The following LNX1 variants were observed in gnomAD, a reference collection of about 807,000 sequenced individuals.
LNX1 encodes ligand of numb-protein X 1.
A neutral mutation model predicts 68.4 loss-of-function variants in LNX1; 54 were observed. The ratio of observed to expected loss-of-function variants is 0.79; its 90% CI spans 0.63 to 0.99. LNX1 has a LOEUF of 0.99. Among genes scored for constraint, LNX1 ranks in the 50% least tolerant of loss-of-function variants. LNX1 has a pLI of 0.00. For missense variants in LNX1, 906 were observed against 926.4 expected (o/e 0.98, Z 0.29); for synonymous variants, 336 against 350.0 (o/e 0.96, Z 0.45).
chr4:53,475,318 T>C (rs1013871721), intron 9 of LNX1, among the ~76,000 whole-genome samples: 6 of 151,256 alleles, frequency 4.0e-5, no homozygotes, highest in Non-Finnish European at 7.4e-5. Flanking sequence ...AGTCATACTC[T>C]CTACTTTCAC....
At position 53,496,414 on chromosome 4, in the gene LNX1, T is replaced by C; in HGVS notation, c.979-20A>G. ...GTTGACCTGGGGGCAGGTGGAACAA[T>C]CGTGCGGTCAGCTCCACCTGCCACA... On this transcript the variant is annotated intron_variant, in intron 5 of 10. Transcript: ENST00000263925. The C allele has an allele frequency of 6.4e-7, 1 of 1,563,168 alleles. No individual in the cohort carries two copies. Among genetic ancestry groups the C allele is most frequent in the Non-Finnish European group, 8.7e-7 (1 of 1,155,772 alleles).
chr4:53,581,275 T>G (rs761360674), intron 1 of LNX1, among the ~76,000 whole-genome samples: 3 of 152,174 alleles, frequency 2.0e-5, no homozygotes, highest in African/African-American at 7.2e-5. Context: ...TTAAGGAAGT[T>G]GAAAAATGTG....
chr4:53,493,104 G>GA (rs1724819745), intron 6 of LNX1, among the ~76,000 whole-genome samples: 1 of 152,134 alleles, frequency 6.6e-6, no homozygotes, highest in South Asian at 2.1e-4. Flanking sequence ...CAAGTAGCTG[G>GA]AATTACAGGT....
At chr4:53,465,095 A>ATGT (rs1722572552) in intron 9 of LNX1, among the ~76,000 whole-genome samples, 1 of 152,140 alleles carries the variant, frequency 6.6e-6, no homozygotes, top group Admixed American at 6.5e-5. Flanking sequence ...TTGCCCTTTG[A>ATGT]TGTTATTGGC....
intron 4 of LNX1, among the ~76,000 whole-genome samples, chr4:53,506,438 AAGACTCAATAGCT>A (rs1725875548): frequency 6.6e-6 from 1 of 152,196 alleles, no homozygotes; most frequent in Admixed American, 6.5e-5. Context: ...TATGGGATCT[AAGACTCAATAGCT>A]TCCTTTGCAT....
chr4:53,636,256 C>CTCGG (rs1734472126), intron 1 of LNX1, among the ~76,000 whole-genome samples: 1 of 143,370 alleles, frequency 7.0e-6, no homozygotes. Flanking sequence ...GCATGCTTGC[C>CTCGG]TCGGTCGAGC....
chr4:53,594,307 C>T (rs542156489), upstream of LNX1, among the ~76,000 whole-genome samples: 4 of 152,156 alleles, frequency 2.6e-5, no homozygotes, highest in African/African-American at 9.6e-5. Flanking sequence ...TTGAGGGACC[C>T]CTCAAGAATG....
intron 2 of LNX1, among the ~76,000 whole-genome samples, chr4:53,513,952 T>C (rs1211079581): frequency 6.6e-6 from 1 of 152,226 alleles, no homozygotes; most frequent in African/African-American, 2.4e-5. Flanking sequence ...ACAGCCCTCC[T>C]GCTAGTCCTC....
At chr4:53,524,018 G>C (rs1280283045) in intron 2 of LNX1, among the ~76,000 whole-genome samples, 2 of 152,310 alleles carry the variant, frequency 1.3e-5, no homozygotes, top group African/African-American at 4.8e-5. Context: ...CCATCAATTT[G>C]ATGACATAAA....
intron 9 of LNX1, among the ~76,000 whole-genome samples, chr4:53,466,453 G>A (rs2150560677): frequency 6.6e-6 from 1 of 152,342 alleles, no homozygotes; most frequent in Admixed American, 6.5e-5. Flanking sequence ...TTCCAACTGA[G>A]ATACTGGGTT....
At chr4:53,481,179 G>A (rs1723888391) in intron 7 of LNX1, among the ~76,000 whole-genome samples, 1 of 152,180 alleles carries the variant, frequency 6.6e-6, no homozygotes. Context: ...GTGTTTTAGA[G>A]TTTTCTGGAT....
At chr4:53,532,437 T>A (rs1728084626) in intron 2 of LNX1, among the ~76,000 whole-genome samples, 1 of 151,994 alleles carries the variant, frequency 6.6e-6, no homozygotes, top group Admixed American at 6.6e-5. Context: ...ATAGACTCCA[T>A]CTCAAATAAA....
At chr4:53,570,798 C>T (rs1266175291) in intron 2 of LNX1, among the ~76,000 whole-genome samples, 2 of 151,000 alleles carry the variant, frequency 1.3e-5, no homozygotes, top group Non-Finnish European at 3.0e-5. Flanking sequence ...GAGGCTGAGG[C>T]GGGCGGATCA....
In LNX1 at chr4:53,576,044, A is replaced by C. The variant is rs543777516; in HGVS notation, c.-86-1956T>G. On this transcript the variant is annotated intron_variant, in intron 1 of 10. Coordinates refer to ENST00000263925, the MANE Select transcript of LNX1 (RefSeq NM_001126328.3). ...AGCCTGAAGCCCAACACCTTCAGGGACCAGCTCCAGGAACTCTGCATCCCC... is the reference window on the plus strand; with the variant it reads ...AGCCTGAAGCCCAACACCTTCAGGGCCCAGCTCCAGGAACTCTGCATCCCC... The C allele has an allele frequency of 9.9e-4, 1,547 of 1,565,366 alleles. 20 individuals carry two copies. In the South Asian group the frequency reaches 0.013, roughly 13 times the overall value.
At chr4:53,587,682 T>A (rs1052230378) in intron 1 of LNX1, among the ~76,000 whole-genome samples, 3 of 151,972 alleles carry the variant, frequency 2.0e-5, no homozygotes, top group Non-Finnish European at 2.9e-5. Context: ...GTAGTCAAGA[T>A]CCCACCAGAC....
chr4:53,611,788 C>T (rs768936087), intron 2 of LNX1, among the ~76,000 whole-genome samples: 20 of 152,124 alleles, frequency 1.3e-4, no homozygotes, highest in Non-Finnish European at 2.1e-4. Flanking sequence ...AACCAAAGCT[C>T]TTACCAAGAA....
At position 53,508,099 on chromosome 4, in the gene LNX1, A is replaced by T. The variant is rs1031771569; in HGVS notation, c.509T>A (p.Ile170Asn). Residue 170 changes from isoleucine (I) to asparagine (N), a missense_variant, in exon 3 of 11, where the codon ATC becomes AAC. By Grantham distance (149) the Ile-to-Asn change is moderately radical. Coordinates refer to ENST00000263925, the MANE Select transcript of LNX1 (RefSeq NM_001126328.3). Reference sequence around the variant, plus strand: ...GCCAGGCTCGTCTGTCATTAAGGAGATGGTGGCAGCTGCAGAAACCTCTGG... The same window carrying T: ...GCCAGGCTCGTCTGTCATTAAGGAGTTGGTGGCAGCTGCAGAAACCTCTGG... ...PSPEVSAAAT[I>N]SLMTDEPGLD... 6.2e-7 allele frequency: 1 copy of T among 1,613,960 alleles called. No homozygotes were observed. Among genetic ancestry groups the T allele is most frequent in the African/African-American group, 1.3e-5 (1 of 74,970 alleles).
At chr4:53,549,650 T>C (rs1264038522) in intron 2 of LNX1, 2 of 152,054 alleles carry the variant, frequency 1.3e-5, no homozygotes, top group Non-Finnish European at 2.9e-5. Context: ...GCAGATGAAA[T>C]GACATTATCA....
intron 1 of LNX1, among the ~76,000 whole-genome samples, chr4:53,627,027 G>C (rs1036980354): frequency 4.6e-5 from 7 of 152,156 alleles, no homozygotes; most frequent in African/African-American, 7.2e-5. Context: ...GGACAGGAGT[G>C]GGGTGTGGGA....
Sources: gnomAD v4.1 joint callset for allele counts (sites outside exome capture counted in the v4.1 genomes callset) on GRCh38, gnomAD v4.1.1 for gene constraint, MANE v1.5 for transcripts, NCBI Gene and HGNC (gene_info 2026-07-23, HGNC 2026-07-21) for gene names.